The following TMEM117 variants were observed in gnomAD, a reference collection of about 807,000 sequenced individuals.
TMEM117 encodes the protein transmembrane protein 117.
TMEM117 carries 27 observed loss-of-function variants against 52.4 expected under a neutral mutation model. The observed-to-expected ratio is 0.51, with a 90% confidence interval of 0.38 to 0.71. TMEM117 has a LOEUF of 0.71. Ranked by LOEUF, TMEM117 falls within the 30% of genes least tolerant of loss-of-function variation. TMEM117 has a pLI of 0.00. For missense variants in TMEM117, 556 were observed against 630.5 expected, an observed-to-expected ratio of 0.88 and a Z score of 1.26; for synonymous variants, 215 against 206.3, an observed-to-expected ratio of 1.04 and a Z score of -0.36.
At chr12:44,214,433 G>T (rs931262302) in intron 5 of TMEM117, among the ~76,000 whole-genome samples, 1 of 152,042 alleles carries the variant, frequency 6.6e-6, no homozygotes. Flanking sequence ...CTCCCAAAGC[G>T]CTGGGATTAC....
chr12:44,073,054 C>T (rs1947326547), intron 3 of TMEM117, among the ~76,000 whole-genome samples: 1 of 151,748 alleles, frequency 6.6e-6, no homozygotes, highest in African/African-American at 2.4e-5. Context: ...CGTACTACTG[C>T]ACTCCAGCCT....
At chr12:43,859,975 A>G (rs962428559) in intron 2 of TMEM117, among the ~76,000 whole-genome samples, 1 of 152,168 alleles carries the variant, frequency 6.6e-6, no homozygotes, top group Non-Finnish European at 1.5e-5. Context: ...GAAAAAACAG[A>G]TTTATGCTCA....
At chr12:44,389,989 A>G (rs1052731553), downstream of TMEM117, among the ~76,000 whole-genome samples, 5 of 151,990 alleles carry the variant, frequency 3.3e-5, no homozygotes, top group African/African-American at 1.2e-4. Context: ...TTTTTTCTTT[A>G]TGATTTTTTA....
chr12:44,243,107 T>G (rs1950084526), intron 5 of TMEM117, among the ~76,000 whole-genome samples: 1 of 152,036 alleles, frequency 6.6e-6, no homozygotes, highest in African/African-American at 2.4e-5. Flanking sequence ...GGGTTGTTTG[T>G]TTTTCTCTTG....
At chr12:44,205,440 C>A (rs1949552158) in intron 4 of TMEM117, among the ~76,000 whole-genome samples, 1 of 152,136 alleles carries the variant, frequency 6.6e-6, no homozygotes, top group Non-Finnish European at 1.5e-5. Context: ...TTGGGTATGT[C>A]TTTATTAGCA....
At chr12:44,320,379 A>C (rs996218375) in intron 6 of TMEM117, among the ~76,000 whole-genome samples, 1 of 152,184 alleles carries the variant, frequency 6.6e-6, no homozygotes, top group Non-Finnish European at 1.5e-5. Flanking sequence ...TTACTCCATT[A>C]TTCCAAAGTA....
At chr12:43,933,107 A>T (rs775649095) in intron 2 of TMEM117, among the ~76,000 whole-genome samples, 5 of 152,238 alleles carry the variant, frequency 3.3e-5, no homozygotes, top group Admixed American at 6.5e-5. Flanking sequence ...AAGTTAAAGG[A>T]AAACCTATTT....
chr12:44,383,849 AT>A lies in TMEM117; in HGVS notation c.899-4169del, dbSNP rs565031607. On this transcript the variant is annotated intron_variant, in intron 7 of 7. Transcript: ENST00000266534. ...TAAACACTGTTTCTCAGAAGATACA[AT>A]TTTTTTTCAGAAAACCTTTCTCCTT... is the stretch of plus-strand genomic sequence containing the variant. Among the ~76,000 whole-genome samples, 914 of 152,010 alleles carry A rather than the reference AT, an allele frequency of 6.0e-3. 11 individuals carry two copies. The highest frequency in any genetic ancestry group is 0.021 in the African/African-American group (882 of 41,448).
chr12:44,306,592 A>G (rs1035720125), intron 6 of TMEM117, among the ~76,000 whole-genome samples: 3 of 152,210 alleles, frequency 2.0e-5, no homozygotes, highest in African/African-American at 7.2e-5. Context: ...CTGTGTACAT[A>G]CATACCTCCT....
At chr12:44,205,017 G>A (rs376080440) in intron 4 of TMEM117, among the ~76,000 whole-genome samples, 9 of 152,192 alleles carry the variant, frequency 5.9e-5, no homozygotes, top group African/African-American at 7.2e-5. Flanking sequence ...CGAAGTTCCC[G>A]TAAGCAATTG....
At chr12:43,994,125 G>A (rs193137571) in intron 3 of TMEM117, among the ~76,000 whole-genome samples, 20 of 152,278 alleles carry the variant, frequency 1.3e-4, no homozygotes, top group Non-Finnish European at 2.8e-4. Context: ...GCCTATAAAT[G>A]TCTTCTGGTT....
At chr12:43,798,357 T>G in the TMEM117 span, among the ~76,000 whole-genome samples, 1 of 152,110 alleles carries the variant, frequency 6.6e-6, no homozygotes, top group Non-Finnish European at 1.5e-5. Flanking sequence ...GGTGTGCATG[T>G]ACTGGAAGAG....
At chr12:43,905,976 G>A (rs1402759490) in intron 2 of TMEM117, among the ~76,000 whole-genome samples, 1 of 152,060 alleles carries the variant, frequency 6.6e-6, no homozygotes, top group Non-Finnish European at 1.5e-5. Flanking sequence ...TAATAATTCT[G>A]TTCATTTTAA....
intron 3 of TMEM117, among the ~76,000 whole-genome samples, chr12:44,033,380 T>G (rs966701405): frequency 5.3e-5 from 8 of 152,228 alleles, no homozygotes; most frequent in Non-Finnish European, 7.3e-5. Context: ...TTTCACTTTA[T>G]GGACTCACTC....
chr12:44,199,575 C>T (rs1263794153), intron 4 of TMEM117, among the ~76,000 whole-genome samples: 2 of 152,046 alleles, frequency 1.3e-5, no homozygotes, highest in Non-Finnish European at 2.9e-5. Flanking sequence ...GGAAATTCTT[C>T]CCTAATTGTC....
At chr12:44,366,668 G>A (rs1041736987) in intron 6 of TMEM117, among the ~76,000 whole-genome samples, 1 of 152,012 alleles carries the variant, frequency 6.6e-6, no homozygotes, top group Non-Finnish European at 1.5e-5. Context: ...TTTACTTTCT[G>A]TTACATATTA....
At chr12:43,912,507 T>TTATTTATATA (rs1555183814) in intron 2 of TMEM117, among the ~76,000 whole-genome samples, 1 of 132,086 alleles carries the variant, frequency 7.6e-6, no homozygotes, top group South Asian at 2.2e-4. Flanking sequence ...TAATAATAAT[T>TTATTTATATA]TATATATATA....
chr12:44,222,868 G>A (rs1481366486), intron 5 of TMEM117, among the ~76,000 whole-genome samples: 1 of 151,988 alleles, frequency 6.6e-6, no homozygotes, highest in Non-Finnish European at 1.5e-5. Flanking sequence ...CCACAAACTA[G>A]GCTTTCTAGC....
chr12:43,844,900 C>A lies in TMEM117; in HGVS notation c.249C>A (p.Gly83=), dbSNP rs772728807. Residue 83 remains glycine, a synonymous_variant, in exon 2 of 8, where the codon GGC becomes GGA. Transcript: ENST00000266534. ...LLAILTGLIA[G]KFLFHQRLFG... is the part of the protein sequence containing the mutation. The stretch of plus-strand genomic sequence containing the variant: ...CCATTCTCACAGGACTAATAGCTGG[C>A]AAATTTCTGTTCCATCAGCGTTTGT... 13 of 1,613,592 alleles carry A rather than the reference C, an allele frequency of 8.1e-6. No individual in the cohort carries two copies. In the South Asian group the frequency reaches 1.1e-4, roughly 14 times the overall value.
Sources: gnomAD v4.1 joint callset for allele counts (sites outside exome capture counted in the v4.1 genomes callset) on GRCh38, gnomAD v4.1.1 for gene constraint, MANE v1.5 for transcripts, NCBI Gene and HGNC (gene_info 2026-07-23, HGNC 2026-07-21) for gene names.